The following TMEM178A variants were observed in gnomAD, a reference collection of about 807,000 sequenced individuals.
TMEM178A encodes the protein transmembrane protein 178.
TMEM178A carries 12 observed loss-of-function variants against 29.1 expected under a neutral mutation model. The observed-to-expected ratio is 0.41, with a 90% CI of 0.26 to 0.67. The LOEUF (loss-of-function observed/expected upper bound fraction) is 0.67, where lower values mean the gene tolerates loss of function less well. TMEM178A is among the 30% of genes least tolerant of loss of function. The pLI is 0.29. For missense variants in TMEM178A, 366 were observed against 419.1 expected, an observed-to-expected ratio of 0.87 and a Z score of 1.11; for synonymous variants, 210 against 187.2, an observed-to-expected ratio of 1.12 and a Z score of -0.99.
intron 1 of TMEM178A, among the ~76,000 whole-genome samples, chr2:39,689,502 A>T (rs1052594892): frequency 1.3e-5 from 2 of 152,350 alleles, no homozygotes; most frequent in East Asian, 3.9e-4. Context: ...AAATAAAATG[A>T]TTGACTTTTG....
intron 1 of TMEM178A, among the ~76,000 whole-genome samples, chr2:39,686,688 G>T (rs1489554318): frequency 1.3e-5 from 2 of 151,250 alleles, no homozygotes; most frequent in African/African-American, 2.4e-5. Flanking sequence ...GGGAGAAGAT[G>T]GGGGGGCGGA....
intron 1 of TMEM178A, among the ~76,000 whole-genome samples, chr2:39,676,202 A>G (rs1354170728): frequency 6.6e-6 from 1 of 152,218 alleles, no homozygotes; most frequent in African/African-American, 2.4e-5. Flanking sequence ...GTGGGCCTTT[A>G]AGTGCCAAAT....
the TMEM178A span, among the ~76,000 whole-genome samples, chr2:39,735,699 A>T: frequency 2.0e-5 from 3 of 152,236 alleles, no homozygotes; most frequent in Non-Finnish European, 4.4e-5. Context: ...CAAAAATGAA[A>T]TGTATTCAAG....
intron 1 of TMEM178A, among the ~76,000 whole-genome samples, chr2:39,695,176 C>T (rs1320277119): frequency 6.6e-6 from 1 of 152,096 alleles, no homozygotes; most frequent in Non-Finnish European, 1.5e-5. Context: ...GAGACGTGTG[C>T]TGGGGAAATA....
intron 2 of TMEM178A, 60 bp downstream of exon 2, chr2:39,704,254 C>G (rs1296098762): frequency 2.2e-6 from 3 of 1,386,094 alleles, no homozygotes; most frequent in Middle Eastern, 1.8e-4. Context: ...AAAATTCCCA[C>G]CACCCCTCTC....
chr2:39,718,193 T>C (rs5830584), downstream of TMEM178A, among the ~76,000 whole-genome samples: 13 of 151,414 alleles, frequency 8.6e-5, no homozygotes, highest in Admixed American at 6.6e-4. Context: ...ACAATTTTCT[T>C]CTTCTCCTTC....
At chr2:39,721,137 T>G (rs949803462), downstream of TMEM178A, among the ~76,000 whole-genome samples, 2 of 152,228 alleles carry the variant, frequency 1.3e-5, no homozygotes, top group African/African-American at 4.8e-5. Flanking sequence ...GCATATGAAT[T>G]TCTCTGGGGC....
At chr2:39,708,409 ATTTTTTTTTTTT>A (rs956611778) in intron 3 of TMEM178A, among the ~76,000 whole-genome samples, 2 of 69,678 alleles carry the variant, frequency 2.9e-5, no homozygotes, top group Non-Finnish European at 5.2e-5. Context: ...GAGTGACTTG[ATTTTTTTTTTTT>A]TTTTTTTTTT....
At chr2:39,711,661 A>C (rs1672307942) in intron 3 of TMEM178A, among the ~76,000 whole-genome samples, 1 of 152,192 alleles carries the variant, frequency 6.6e-6, no homozygotes, top group Admixed American at 6.5e-5. Flanking sequence ...TTTTTTAAAA[A>C]AAGACTCAAC....
the TMEM178A span, among the ~76,000 whole-genome samples, chr2:39,733,140 G>C: frequency 3.3e-5 from 5 of 152,294 alleles, no homozygotes; most frequent in Non-Finnish European, 7.4e-5. Context: ...TTGTCACTGA[G>C]AAAGTTGAAG....
At chr2:39,728,270 T>C in the TMEM178A span, among the ~76,000 whole-genome samples, 1 of 152,186 alleles carries the variant, frequency 6.6e-6, no homozygotes, top group Non-Finnish European at 1.5e-5. Context: ...CGTGAGATGG[T>C]ATCTCATTGT....
At chr2:39,700,668 T>A (rs1461668811) in intron 1 of TMEM178A, among the ~76,000 whole-genome samples, 1 of 151,878 alleles carries the variant, frequency 6.6e-6, no homozygotes, top group East Asian at 1.9e-4. Context: ...TTTAATATAA[T>A]TTTTGGTAGG....
downstream of TMEM178A, among the ~76,000 whole-genome samples, chr2:39,718,364 C>T (rs1257864614): frequency 5.3e-5 from 8 of 152,200 alleles, no homozygotes; most frequent in Admixed American, 3.3e-4. Flanking sequence ...CTGGTGAGGT[C>T]TTCAGCTGTA....
rs769270706 is a variant in TMEM178A, at chr2:39,666,310, G to C, written c.336G>C (p.Ser112=). Residue 112 remains serine (S), a synonymous_variant, in exon 1 of 4, where the codon TCG becomes TCC. Coordinates refer to ENST00000281961, the MANE Select transcript of TMEM178A (RefSeq NM_152390.3). ...GCCGGCCCCTCTTCGCCACCTACTCGGGCCTCTGGAGGAAGTGCTACTTCC... is the reference window on the plus strand; with the variant it reads ...GCCGGCCCCTCTTCGCCACCTACTCCGGCCTCTGGAGGAAGTGCTACTTCC... ...ECGRPLFATY[S]GLWRKCYFLG... 2 of 1,444,530 alleles carry C rather than the reference G, an allele frequency of 1.4e-6. No individual in the cohort carries two copies. The highest frequency in any genetic ancestry group is 1.8e-6 in the Non-Finnish European group (2 of 1,098,428). 89.5% of individuals were successfully genotyped at this position (1,444,530 alleles called of 1,614,324 possible). A position where few individuals can be genotyped will look rare whatever the true frequency, so the allele number is the denominator to read the frequency against.
intron 1 of TMEM178A, among the ~76,000 whole-genome samples, chr2:39,671,796 C>G (rs985418033): frequency 6.6e-6 from 1 of 152,188 alleles, no homozygotes; most frequent in Non-Finnish European, 1.5e-5. Flanking sequence ...AGACCGCACT[C>G]TCAAGACTGC....
At chr2:39,681,016 T>C (rs1670848416) in intron 1 of TMEM178A, among the ~76,000 whole-genome samples, 1 of 152,234 alleles carries the variant, frequency 6.6e-6, no homozygotes, top group Non-Finnish European at 1.5e-5. Flanking sequence ...CCTTGAATGT[T>C]ATTTCTAGGT....
the TMEM178A span, among the ~76,000 whole-genome samples, chr2:39,726,284 A>G: frequency 8.5e-5 from 13 of 152,186 alleles, no homozygotes; most frequent in Non-Finnish European, 1.9e-4. Context: ...CTCTCTGATA[A>G]GAAAACATTT....
intron 1 of TMEM178A, among the ~76,000 whole-genome samples, chr2:39,680,121 C>A (rs1670804860): frequency 6.6e-6 from 1 of 152,174 alleles, no homozygotes; most frequent in African/African-American, 2.4e-5. Flanking sequence ...TCTTAACTAG[C>A]TATGTGACCT....
At chr2:39,676,446 G>A (rs1670627226) in intron 1 of TMEM178A, among the ~76,000 whole-genome samples, 1 of 152,206 alleles carries the variant, frequency 6.6e-6, no homozygotes, top group African/African-American at 2.4e-5. Context: ...AACGGAAGAA[G>A]CCAGTCCCCA....
Sources: gnomAD v4.1 joint callset for allele counts (sites outside exome capture counted in the v4.1 genomes callset) on GRCh38, gnomAD v4.1.1 for gene constraint, MANE v1.5 for transcripts, NCBI Gene and HGNC (gene_info 2026-07-23, HGNC 2026-07-21) for gene names.